Variants in RPTOR observed in about 807,000 individuals in gnomAD.
RPTOR encodes the protein regulatory associated protein of MTOR complex 1, also known as regulatory-associated protein of mTOR.
Under a neutral mutation model 169.9 loss-of-function variants are expected in RPTOR, and 21 were observed. The observed-to-expected ratio is 0.12, with a 90% CI of 0.09 to 0.18. The LOEUF (loss-of-function observed/expected upper bound fraction) is 0.18. Among genes scored for constraint, RPTOR ranks in the 10% least tolerant of loss-of-function variants. The pLI, the probability that RPTOR is intolerant of heterozygous loss-of-function variation, is 1.00. For missense variants in RPTOR, 1,133 were observed against 1,855.9 expected (o/e 0.61, Z 7.16); for synonymous variants, 732 against 753.2 (o/e 0.97, Z 0.46).
chr17:80,622,794 T>C (rs2065364081), intron 1 of RPTOR, among the ~76,000 whole-genome samples: 1 of 152,060 alleles, frequency 6.6e-6, no homozygotes, highest in South Asian at 2.1e-4. Flanking sequence ...TCCCAGCTAC[T>C]CTGGAGGCTG....
intron 1 of RPTOR, among the ~76,000 whole-genome samples, chr17:80,590,788 G>C (rs1406543981): frequency 6.6e-6 from 1 of 152,104 alleles, no homozygotes; most frequent in Non-Finnish European, 1.5e-5. Flanking sequence ...TACAGTTTTT[G>C]TTGGGTTTTA....
chr17:80,888,995 G>A (rs1339374277), intron 17 of RPTOR, among the ~76,000 whole-genome samples: 1 of 152,230 alleles, frequency 6.6e-6, no homozygotes, highest in Non-Finnish European at 1.5e-5. Context: ...TGGGGCAGGT[G>A]GCCCAGCCAG....
At chr17:80,580,891 G>A (rs2065007976) in intron 1 of RPTOR, among the ~76,000 whole-genome samples, 1 of 152,164 alleles carries the variant, frequency 6.6e-6, no homozygotes, top group African/African-American at 2.4e-5. Flanking sequence ...GCCTCCTAAA[G>A]TGCTGGGGTT....
intron 21 of RPTOR, among the ~76,000 whole-genome samples, chr17:80,919,314 C>G (rs1224164569): frequency 2.0e-5 from 3 of 152,204 alleles, no homozygotes; most frequent in African/African-American, 7.2e-5. Context: ...GGCCTCTGCG[C>G]TATTCTTAGC....
At chr17:80,930,206 C>G (rs1022142222) in intron 24 of RPTOR, among the ~76,000 whole-genome samples, 2 of 139,290 alleles carry the variant, frequency 1.4e-5, no homozygotes, top group Admixed American at 7.1e-5. Context: ...CCCAGCTCAT[C>G]CCCAGCTCAT....
intron 5 of RPTOR, among the ~76,000 whole-genome samples, chr17:80,737,503 C>A (rs1379518104): frequency 6.6e-6 from 1 of 152,194 alleles, no homozygotes; most frequent in Non-Finnish European, 1.5e-5. Context: ...GGTGAGACGC[C>A]GGCTGTCCTG....
chr17:80,953,148 A>T (rs2069204267), intron 28 of RPTOR, among the ~76,000 whole-genome samples: 2 of 152,138 alleles, frequency 1.3e-5, no homozygotes, highest in South Asian at 4.1e-4. Flanking sequence ...TACAGGTGTG[A>T]GCCACTGCAC....
chr17:80,953,963 T>C (rs945635097), intron 28 of RPTOR, among the ~76,000 whole-genome samples: 1 of 152,204 alleles, frequency 6.6e-6, no homozygotes, highest in African/African-American at 2.4e-5. Flanking sequence ...TGGGTTCAGG[T>C]GTATCACAGT....
intron 21 of RPTOR, among the ~76,000 whole-genome samples, chr17:80,918,445 A>AGTCATAGCCACGAGCACCCTCGTGGGG (rs2068702089): frequency 1.2e-5 from 1 of 84,394 alleles, no homozygotes; most frequent in African/African-American, 5.1e-5. Flanking sequence ...CCCTCGCCGG[A>AGTCATAGCCACGAGCACCCTCGTGGGG]GTCATAGCCA....
chr17:80,602,398 CGGGGCGGCTGGCCGGGCGGGGGGCTG>C, intron 1 of RPTOR, among the ~76,000 whole-genome samples: 1 of 106,492 alleles, frequency 9.4e-6, no homozygotes, highest in African/African-American at 4.4e-5. Context: ...CCCTCCCGGA[CGGGGCGGCTGGCCGGGCGGGGGGCTG>C]ACCCCCCCAC....
intron 11 of RPTOR, among the ~76,000 whole-genome samples, chr17:80,853,280 C>T (rs562641289): frequency 5.3e-5 from 8 of 152,312 alleles, no homozygotes; most frequent in South Asian, 4.1e-4. Flanking sequence ...CTCAGACACC[C>T]GGGCTTTTCC....
intron 5 of RPTOR, among the ~76,000 whole-genome samples, chr17:80,751,899 C>A (rs1341932568): frequency 6.6e-6 from 1 of 152,222 alleles, no homozygotes; most frequent in Admixed American, 6.5e-5. Flanking sequence ...TCATTCTGTA[C>A]CTTGTTGTTC....
At chr17:80,620,721 G>A (rs962994554) in intron 1 of RPTOR, among the ~76,000 whole-genome samples, 15 of 152,230 alleles carry the variant, frequency 9.9e-5, no homozygotes, top group Admixed American at 3.3e-4. Context: ...AGCCGAGATC[G>A]TGCCACTGCA....
intron 12 of RPTOR, among the ~76,000 whole-genome samples, chr17:80,857,247 A>T (rs1598356634): frequency 6.6e-6 from 1 of 152,010 alleles, no homozygotes; most frequent in Admixed American, 6.6e-5. Flanking sequence ...CCCCTGGGCA[A>T]CCCCCGCTCC....
chr17:80,625,465 C>T (rs376279636), intron 1 of RPTOR, among the ~76,000 whole-genome samples: 8 of 152,132 alleles, frequency 5.3e-5, no homozygotes, highest in Admixed American at 1.3e-4. Flanking sequence ...CTTCCTGCCA[C>T]GTCCCTCTCA....
intron 1 of RPTOR, among the ~76,000 whole-genome samples, chr17:80,599,480 A>G (rs1325493884): frequency 6.6e-6 from 1 of 152,206 alleles, no homozygotes; most frequent in Non-Finnish European, 1.5e-5. Context: ...GTGTGGCCAT[A>G]ATCAAATCCC....
chr17:80,713,336 A>G (rs954577089), intron 4 of RPTOR, among the ~76,000 whole-genome samples: 2 of 152,148 alleles, frequency 1.3e-5, no homozygotes, highest in African/African-American at 4.8e-5. Flanking sequence ...ATGAGCCACC[A>G]CACCCGGCCT....
rs2065253032 is a variant in RPTOR at position 80,609,304 on chromosome 17, A to G, written c.163-16387A>G. On this transcript the variant is annotated intron_variant, in intron 1 of 33. Transcript: ENST00000306801. This position sits in a 1 kb window ranked among gnomAD's most constrained non-coding sequence, Gnocchi z 4.8. ...ACACGCTCTGTCCAGGAACTGCAGT[A>G]AACGTTCTAGCTGTTAATATTCTTC... Among the ~76,000 whole-genome samples, 1 of 152,238 alleles carries G rather than the reference A, an allele frequency of 6.6e-6. No individual in the cohort carries two copies. Among genetic ancestry groups the G allele is most frequent in the Non-Finnish European group, 1.5e-5 (1 of 68,052 alleles).
chr17:80,639,024 C>T (rs951277179), intron 2 of RPTOR, among the ~76,000 whole-genome samples: 2 of 152,130 alleles, frequency 1.3e-5, no homozygotes, highest in East Asian at 1.9e-4. Context: ...CCAAGCTTTG[C>T]GCCTGAGCTG....
Sources: gnomAD v4.1 joint callset for allele counts (sites outside exome capture counted in the v4.1 genomes callset) on GRCh38, gnomAD v4.1.1 for gene constraint, Gnocchi (gnomAD v3.1) non-coding constraint, MANE v1.5 for transcripts, NCBI Gene and HGNC (gene_info 2026-07-23, HGNC 2026-07-21) for gene names.